CSMD2: variants seen among roughly 807,000 people sequenced by gnomAD.
CSMD2 encodes the protein CUB and sushi domain-containing protein 2.
A neutral mutation model predicts 398.5 loss-of-function variants in CSMD2; 130 were observed. The observed-to-expected ratio is 0.33, with a 90% CI of 0.28 to 0.38. CSMD2 has a LOEUF of 0.38. CSMD2 is among the 10% of genes least tolerant of loss of function. The pLI is 1.00. For synonymous variants in CSMD2, 1,828 were observed against 1,908.5 expected (o/e 0.96, Z 1.10); for missense variants, 3,829 against 4,764.9 (o/e 0.80, Z 5.78).
At chr1:33,543,016 C>T in intron 57 of CSMD2, 120 bp from the exon 58 acceptor site, 1 of 700,624 alleles carries the variant, frequency 1.4e-6, no homozygotes, top group Non-Finnish European at 2.3e-6. Flanking sequence ...AGAAATGCCT[C>T]TCATGCTGCT....
At chr1:33,943,826 T>C (rs1367991500) in intron 3 of CSMD2, among the ~76,000 whole-genome samples, 1 of 152,068 alleles carries the variant, frequency 6.6e-6, no homozygotes, top group African/African-American at 2.4e-5. Flanking sequence ...TGATTTCATG[T>C]CTGGCAGGAA....
chr1:33,802,072 C>A (rs1192812855), intron 10 of CSMD2, among the ~76,000 whole-genome samples: 1 of 152,168 alleles, frequency 6.6e-6, no homozygotes, highest in Non-Finnish European at 1.5e-5. Flanking sequence ...CAAGGCATTT[C>A]TGATGAAATT....
chr1:33,661,834 A>G (rs375411279), intron 26 of CSMD2, among the ~76,000 whole-genome samples: 18 of 152,084 alleles, frequency 1.2e-4, no homozygotes, highest in African/African-American at 3.1e-4. Flanking sequence ...TACCCCAACC[A>G]CCCTTAGCTG....
intron 6 of CSMD2, among the ~76,000 whole-genome samples, chr1:33,843,101 C>T (rs906507240): frequency 1.3e-5 from 2 of 152,224 alleles, no homozygotes; most frequent in Admixed American, 1.3e-4. Flanking sequence ...TCATGCTGTA[C>T]AGAAGTTATA....
intron 64 of CSMD2, among the ~76,000 whole-genome samples, chr1:33,528,408 C>A (rs1654970243): frequency 6.6e-6 from 1 of 152,220 alleles, no homozygotes; most frequent in South Asian, 2.1e-4. Flanking sequence ...CACTGTCTGC[C>A]TTGGCGGGGA....
chr1:33,743,539 A>G lies in CSMD2; in HGVS notation c.1914T>C (p.Tyr638=), dbSNP rs774815516. ...GCCAGACACAGTGGAGGTGGTTGCC[A>G]TAGTCCTCTGGGTAGTTGGGAGACA... ...VVLSPNYPED[Y]GNHLHCVWLI... is the part of the protein sequence containing the mutation. The change falls in exon 14 of 71, where the codon TAT becomes TAC. Residue 638 remains tyrosine, a synonymous_variant. Coordinates refer to ENST00000373381, the MANE Select transcript of CSMD2 (RefSeq NM_001281956.2). 6.2e-7 allele frequency: 1 copy of G among 1,614,032 alleles called. No homozygotes were observed. Among genetic ancestry groups the G allele is most frequent in the South Asian group, 1.1e-5 (1 of 91,074 alleles).
At position 33,533,112 on chromosome 1, in the gene CSMD2, C is replaced by A; in HGVS notation, c.10109G>T (p.Gly3370Val). 1 of 1,613,938 alleles carries A rather than the reference C, an allele frequency of 6.2e-7. No individual in the cohort carries two copies. Among genetic ancestry groups the A allele is most frequent in the Non-Finnish European group, 8.5e-7 (1 of 1,179,994 alleles). Residue 3370 changes from glycine (G) to valine (V), a missense_variant, in exon 64 of 71, where the codon GGC becomes GTC. By Grantham distance (109) the Gly-to-Val change is moderately radical (BLOSUM62 -3). Coordinates refer to ENST00000373381, the MANE Select transcript of CSMD2 (RefSeq NM_001281956.2). This position sits in a 1 kb window ranked among gnomAD's most constrained non-coding sequence, Gnocchi z 4.2. ...CGCCTTGCAGGTGCGGTGCTCGGAGCCACCCTTGAGGGAGAAGCCCTCCTG... is the reference window on the plus strand; with the variant it reads ...CGCCTTGCAGGTGCGGTGCTCGGAGACACCCTTGAGGGAGAAGCCCTCCTG... ...SCQEGFSLKG[G>V]SEHRTCKADG...
Position 33,636,392 on chromosome 1 carries a change from G to A in CSMD2, c.4937C>T (p.Pro1646Leu), listed in dbSNP as rs2148917472. The part of the protein sequence containing the change: ...LSCILGPDGK[P>L]VWNNPRPVCT... The stretch of plus-strand genomic sequence containing the variant: ...GACTGGCCGGGGATTGTTCCACACG[G>A]GCTTCCCATCAGGCCCCAGGATGCA... The change falls in exon 30 of 71, where the codon CCC becomes CTC. Residue 1646 changes from proline (P) to leucine (L), a missense_variant. Pro to Leu is a moderately conservative substitution (Grantham distance 98). Transcript: ENST00000373381. This position sits in a 1 kb window ranked among gnomAD's most constrained non-coding sequence, Gnocchi z 4.8. 2 of 1,613,144 alleles carry A rather than the reference G, an allele frequency of 1.2e-6. No homozygotes were observed. The highest frequency in any genetic ancestry group is 2.2e-5 in the East Asian group (1 of 44,824).
chr1:33,594,955 T>A (rs539146151), intron 44 of CSMD2, among the ~76,000 whole-genome samples: 1 of 152,220 alleles, frequency 6.6e-6, no homozygotes, highest in Non-Finnish European at 1.5e-5. Flanking sequence ...GTCGCCAACA[T>A]GTTGCCCTGT....
intron 4 of CSMD2, among the ~76,000 whole-genome samples, chr1:33,927,660 C>T (rs1189408312): frequency 1.3e-5 from 2 of 152,138 alleles, no homozygotes; most frequent in Admixed American, 1.3e-4. Flanking sequence ...ATTTGTCTGC[C>T]TCCTGGGCCT....
intron 25 of CSMD2, among the ~76,000 whole-genome samples, chr1:33,689,328 C>T (rs376821713): frequency 6.6e-6 from 1 of 152,324 alleles, no homozygotes; most frequent in African/African-American, 2.4e-5. Flanking sequence ...TTTGAGGTTG[C>T]TGTGGCTCCA....
intron 3 of CSMD2, among the ~76,000 whole-genome samples, chr1:34,001,033 G>GGGAGGGGAGGAGGAAAAAGAGGAT (rs1646885493): frequency 6.7e-6 from 1 of 149,810 alleles, no homozygotes; most frequent in Non-Finnish European, 1.5e-5. Flanking sequence ...AAAAAGAGGA[G>GGGAGGGGAGGAGGAAAAAGAGGAT]GGAGAGGAGG....
In CSMD2 at chr1:33,541,162, C is replaced by G; in HGVS notation, c.9425G>C (p.Arg3142Pro). ...GACGGGCTTGGTTCCATTCCATGTC[C>G]GGTCCTTGGTGCAGCTCAGCACAGA... ...RVSVLSCTKD[R>P]TWNGTKPVCK... The change falls in exon 59 of 71, where the codon CGG becomes CCG. Residue 3142 changes from arginine (R) to proline (P), a missense_variant. This residue lies in a region of CSMD2 where 917 missense variants were observed against 1,199.5 expected (regional missense o/e 0.76). Transcript: ENST00000373381. 6.2e-7 allele frequency: 1 copy of G among 1,614,132 alleles called. No homozygotes were observed. Among genetic ancestry groups the G allele is most frequent in the Non-Finnish European group, 8.5e-7 (1 of 1,180,020 alleles).
At chr1:33,694,596 C>T (rs1386949945) in intron 24 of CSMD2, among the ~76,000 whole-genome samples, 2 of 152,172 alleles carry the variant, frequency 1.3e-5, no homozygotes, top group Non-Finnish European at 2.9e-5. Context: ...AAAGAAGGTG[C>T]CTGCTTCCCC....
chr1:33,607,956 G>A (rs1479318255), intron 41 of CSMD2, among the ~76,000 whole-genome samples: 1 of 152,226 alleles, frequency 6.6e-6, no homozygotes, highest in African/African-American at 2.4e-5. Context: ...CCTACGCAGG[G>A]AAAGTTATCA....
intron 53 of CSMD2, among the ~76,000 whole-genome samples, chr1:33,565,899 T>A (rs990226519): frequency 3.3e-5 from 5 of 151,826 alleles, no homozygotes. Flanking sequence ...GACAAAACCA[T>A]CTGAGAAATG....
intron 37 of CSMD2, among the ~76,000 whole-genome samples, chr1:33,619,101 G>A (rs558245382): frequency 6.6e-6 from 1 of 152,340 alleles, no homozygotes; most frequent in South Asian, 2.1e-4. Flanking sequence ...AAGTTTCTGT[G>A]TCTTGCTGGA....
At chr1:33,646,940 C>T (rs1571073751) in intron 28 of CSMD2, 105 bp from the exon 29 acceptor site, 1 of 1,116,164 alleles carries the variant, frequency 9.0e-7, no homozygotes, top group East Asian at 2.6e-5. Flanking sequence ...GGAGCAAGCC[C>T]ACCATCCCAC....
intron 54 of CSMD2, among the ~76,000 whole-genome samples, chr1:33,558,289 G>A (rs543231169): frequency 6.6e-6 from 1 of 152,192 alleles, no homozygotes; most frequent in African/African-American, 2.4e-5. Flanking sequence ...GCCTCCCACA[G>A]CAAAGCTTGT....
Sources: gnomAD v4.1 joint callset for allele counts (sites outside exome capture counted in the v4.1 genomes callset) on GRCh38, gnomAD v4.1.1 for gene constraint, gnomAD v4.1.1 regional missense constraint, Gnocchi (gnomAD v3.1) non-coding constraint, MANE v1.5 for transcripts, NCBI Gene and HGNC (gene_info 2026-07-23, HGNC 2026-07-21) for gene names.